Variants in DENND4C observed in about 807,000 individuals in gnomAD.
DENND4C encodes DENN domain containing 4C.
DENND4C carries 108 observed loss-of-function variants against 203.0 expected under a neutral mutation model. The observed-to-expected ratio is 0.53, with a 90% CI of 0.46 to 0.62. The LOEUF (loss-of-function observed/expected upper bound fraction) is 0.62. Among genes scored for constraint, DENND4C ranks in the 20% least tolerant of loss-of-function variants. The pLI is 0.00. For synonymous variants in DENND4C, 871 were observed against 792.4 expected, an observed-to-expected ratio of 1.10 and a Z score of -1.67; for missense variants, 2,481 against 2,301.2, an observed-to-expected ratio of 1.08 and a Z score of -1.60.
chr9:19,331,016 A>T (rs1427494024), intron 16 of DENND4C, among the ~76,000 whole-genome samples: 1 of 151,748 alleles, frequency 6.6e-6, no homozygotes, highest in Non-Finnish European at 1.5e-5. Context: ...AGATCACGCC[A>T]TTGCACTCCA....
chr9:19,356,788 T>TGTGAGAGAGAGAGAGAGA (rs1266119304), intron 26 of DENND4C, among the ~76,000 whole-genome samples, 184 bp from the exon 27 acceptor site: 117 of 140,366 alleles, frequency 8.3e-4, no homozygotes, highest in Middle Eastern at 3.7e-3. Context: ...TGTGTGTGTG[T>TGTGAGAGAGAGAGAGAGA]GAGAGAGAGA....
chr9:19,363,223 G>C (rs1279575884), intron 30 of DENND4C, among the ~76,000 whole-genome samples: 1 of 152,062 alleles, frequency 6.6e-6, no homozygotes, highest in Non-Finnish European at 1.5e-5. Context: ...ATTAGGTTAG[G>C]GCCCCACTTG....
chr9:19,325,999 G>C, intron 14 of DENND4C, 25 bp downstream of exon 14: 1 of 1,608,238 alleles, frequency 6.2e-7, no homozygotes, highest in Non-Finnish European at 8.5e-7. Context: ...GATTTTAAGG[G>C]TTGAAATTTC....
intron 17 of DENND4C, among the ~76,000 whole-genome samples, chr9:19,332,913 A>G (rs1412354784): frequency 6.7e-6 from 1 of 150,294 alleles, no homozygotes; most frequent in Non-Finnish European, 1.5e-5. Context: ...TTTTATTCTT[A>G]ATATAACTTT....
At chr9:19,330,709 A>G (rs1310623701) in intron 16 of DENND4C, among the ~76,000 whole-genome samples, 7 of 152,068 alleles carry the variant, frequency 4.6e-5, no homozygotes, top group African/African-American at 7.2e-5. Flanking sequence ...GCATTCTGAT[A>G]TATGTGATAG....
Position 19,264,885 on chromosome 9 carries a change from T to G in DENND4C, c.-17-11273T>G, listed in dbSNP as rs143893703. On this transcript the variant is annotated intron_variant, in intron 1 of 32. Transcript: ENST00000434457. Reference sequence around the variant, plus strand: ...CTTTAAGATTCATTTTTAGGTTGTTTATTTGAAGTTTTTCTACTTTTTTGA... The same window carrying G: ...CTTTAAGATTCATTTTTAGGTTGTTGATTTGAAGTTTTTCTACTTTTTTGA... Among the ~76,000 whole-genome samples the G allele has an allele frequency of 4.6e-3, 703 of 152,294 alleles. 4 individuals are homozygous for G. Among genetic ancestry groups the G allele is most frequent in the African/African-American group, 0.016 (682 of 41,590 alleles).
rs768899402 is a variant in DENND4C, at chr9:19,328,048, A to G, written c.2139A>G (p.Arg713=). Reference sequence around the variant, plus strand: ...ATTTTAGTTACAAATACTTTCCAAGACTGGACCTTAAGCTTTTTGACAGAC... The same window carrying G: ...ATTTTAGTTACAAATACTTTCCAAGGCTGGACCTTAAGCTTTTTGACAGAC... The part of the protein sequence containing the change: ...SPKYSYKYFP[R]LDLKLFDRPQ... The change falls in exon 16 of 33, where the codon AGA becomes AGG. Residue 713 remains arginine, a synonymous_variant. Transcript: ENST00000434457. 12 of 1,609,154 alleles carry G rather than the reference A, an allele frequency of 7.5e-6. No homozygotes were observed. In the East Asian group the frequency reaches 2.5e-4, roughly 33 times the overall value.
intron 2 of DENND4C, among the ~76,000 whole-genome samples, chr9:19,280,677 C>G (rs569593432): frequency 5.0e-4 from 76 of 151,226 alleles, no homozygotes; most frequent in African/African-American, 1.8e-3. Flanking sequence ...CCAGCATTCA[C>G]TGTTCCCTCT....
chr9:19,269,266 A>T lies in DENND4C; in HGVS notation c.-17-6892A>T, dbSNP rs147915402. 2.5e-3 allele frequency among the ~76,000 whole-genome samples: 387 copies of T among 152,056 alleles called. 1 individual carries two copies. The highest frequency in any genetic ancestry group is 9.2e-3 in the African/African-American group (380 of 41,466). On this transcript the variant is annotated intron_variant, in intron 1 of 32. Coordinates refer to ENST00000434457, the MANE Select transcript of DENND4C (RefSeq NM_001330640.2). ...CAACCTCTGCTTCCGGGTTCAAGCA[A>T]TTCCCCTGCCTCGCCTCCCGAGTAG... is the stretch of plus-strand genomic sequence containing the variant.
At chr9:19,370,194 A>G in intron 31 of DENND4C, 1 of 571,368 alleles carries the variant, frequency 1.8e-6, no homozygotes, top group East Asian at 3.8e-5. Context: ...ACGGTGGCTC[A>G]CACCTGTAAT....
intron 2 of DENND4C, among the ~76,000 whole-genome samples, chr9:19,283,387 T>G (rs528810067): frequency 6.6e-6 from 1 of 152,164 alleles, no homozygotes; most frequent in African/African-American, 2.4e-5. Flanking sequence ...TGTTTTACAG[T>G]TAACTTTTTT....
At chr9:19,352,894 G>A (rs1227315293) in intron 26 of DENND4C, among the ~76,000 whole-genome samples, 2 of 152,048 alleles carry the variant, frequency 1.3e-5, no homozygotes, top group Non-Finnish European at 2.9e-5. Flanking sequence ...AACACTTTGC[G>A]AGGCCCAGGT....
At chr9:19,328,402 C>T (rs1022375642) in intron 16 of DENND4C, among the ~76,000 whole-genome samples, 3 of 152,176 alleles carry the variant, frequency 2.0e-5, no homozygotes, top group Admixed American at 6.5e-5. Context: ...CACTTGAGGT[C>T]AGGAGTTAGA....
At chr9:19,285,798 C>G (rs1835090431) in intron 2 of DENND4C, among the ~76,000 whole-genome samples, 1 of 152,132 alleles carries the variant, frequency 6.6e-6, no homozygotes, top group African/African-American at 2.4e-5. Context: ...TATTCCAACA[C>G]TACATATTGA....
chr9:19,360,266 A>T lies in DENND4C; in HGVS notation c.5183A>T (p.Asn1728Ile). ...EVVDPLGKRP[N>I]PPPVSVPYLS... ...AAGGATCCTTTAGGAAAAAGACCCA[A>T]TCCTCCCCCTGTTTCTGTGCCCTAC... is the stretch of plus-strand genomic sequence containing the variant. Residue 1728 changes from asparagine to isoleucine, a missense_variant, in exon 29 of 33, where the codon AAT becomes ATT. Around this residue, in one of 3 missense-constraint regions of DENND4C, gnomAD observed 2,289 missense variants for 2,113.3 expected, o/e 1.08. Transcript: ENST00000434457. 1 of 1,613,268 alleles carries T rather than the reference A, an allele frequency of 6.2e-7. No individual in the cohort carries two copies. Among genetic ancestry groups the T allele is most frequent in the East Asian group, 2.2e-5 (1 of 44,856 alleles).
chr9:19,280,212 C>T (rs895999810), intron 2 of DENND4C, among the ~76,000 whole-genome samples: 7 of 151,940 alleles, frequency 4.6e-5, no homozygotes, highest in Middle Eastern at 3.4e-3. Flanking sequence ...TGCAGTGGTG[C>T]GATCTCGGCT....
intron 20 of DENND4C, chr9:19,337,546 C>A: frequency 9.7e-7 from 1 of 1,027,350 alleles, no homozygotes; most frequent in South Asian, 2.3e-5. Flanking sequence ...GCTTTTTGCT[C>A]TGTGCTGTTT....
chr9:19,366,147 C>G (rs988797939), intron 30 of DENND4C, among the ~76,000 whole-genome samples: 7 of 152,162 alleles, frequency 4.6e-5, no homozygotes, highest in African/African-American at 1.7e-4. Flanking sequence ...ATAGGACTCA[C>G]AGTTCTTCAA....
chr9:19,329,766 A>G (rs1818670173), intron 16 of DENND4C, among the ~76,000 whole-genome samples: 1 of 152,212 alleles, frequency 6.6e-6, no homozygotes, highest in Admixed American at 6.5e-5. Context: ...GTTGTATTTT[A>G]AATTTGCATT....
Sources: allele counts gnomAD v4.1 joint callset (sites outside exome capture counted in the v4.1 genomes callset), GRCh38; gene constraint gnomAD v4.1.1; regional missense constraint gnomAD v4.1.1; transcripts MANE v1.5; gene names NCBI Gene and HGNC (gene_info 2026-07-23, HGNC 2026-07-21).